XIRP2: variants seen among roughly 807,000 people sequenced by gnomAD.
The protein encoded by XIRP2 is xin actin binding repeat containing 2.
XIRP2 carries 236 observed loss-of-function variants against 277.0 expected under a neutral mutation model. That is an observed-to-expected ratio of 0.85 (90% CI 0.77 to 0.95). XIRP2 has a LOEUF of 0.95. Ranked by LOEUF, XIRP2 falls within the 40% of genes least tolerant of loss-of-function variation. The pLI, the probability that XIRP2 is intolerant of heterozygous loss-of-function variation, is 0.00. For synonymous variants in XIRP2, 1,490 were observed against 1,416.5 expected (o/e 1.05, Z -1.17); for missense variants, 4,640 against 4,157.5 (o/e 1.12, Z -3.19).
chr2:166,964,139 G>C (rs1376280737), intron 2 of XIRP2, among the ~76,000 whole-genome samples: 1 of 151,762 alleles, frequency 6.6e-6, no homozygotes, highest in Non-Finnish European at 1.5e-5. Context: ...ATTGTAATTT[G>C]ATTCTATAGA....
chr2:167,242,025 C>A, intron 8 of XIRP2, 115 bp downstream of exon 8: 1 of 1,336,406 alleles, frequency 7.5e-7, no homozygotes, highest in Non-Finnish European at 9.9e-7. Flanking sequence ...AAATTCTGAA[C>A]TGGCATTTAT....
chr2:167,163,008 T>C (rs1033533892), intron 3 of XIRP2, among the ~76,000 whole-genome samples: 3 of 152,212 alleles, frequency 2.0e-5, no homozygotes, highest in Non-Finnish European at 4.4e-5. Flanking sequence ...CAGAAGGTTT[T>C]TCTCCCCTTT....
chr2:166,988,144 T>A (rs1466093276), intron 2 of XIRP2, among the ~76,000 whole-genome samples: 4 of 152,140 alleles, frequency 2.6e-5, no homozygotes, highest in African/African-American at 9.7e-5. Flanking sequence ...TGAGCAGTAA[T>A]AAGACATGTG....
intron 2 of XIRP2, among the ~76,000 whole-genome samples, chr2:166,969,653 A>G (rs1438205074): frequency 6.6e-6 from 1 of 151,976 alleles, no homozygotes; most frequent in Non-Finnish European, 1.5e-5. Context: ...CTGGGAAAGC[A>G]ATTTCATGCT....
chr2:167,248,954 C>A lies in XIRP2; in HGVS notation c.7562C>A (p.Ser2521Tyr). ...RKKQIAPLIK[S>Y]HSFPESSGQQ... is the part of the protein sequence containing the mutation. ...AAACAGATTGCGCCTCTTATAAAATCTCATTCATTTCCAGAGAGTTCAGGA... is the reference window on the plus strand; with the variant it reads ...AAACAGATTGCGCCTCTTATAAAATATCATTCATTTCCAGAGAGTTCAGGA... Residue 2521 changes from serine to tyrosine, a missense_variant, in exon 9 of 11, where the codon TCT becomes TAT. By Grantham distance (144) the Ser-to-Tyr change is moderately radical (BLOSUM62 -2). Transcript: ENST00000409195. 6.2e-7 allele frequency: 1 copy of A among 1,613,794 alleles called. No homozygotes were observed.
intron 1 of XIRP2, among the ~76,000 whole-genome samples, chr2:166,899,152 G>A (rs1684314808): frequency 6.6e-6 from 1 of 152,042 alleles, no homozygotes; most frequent in Admixed American, 6.6e-5. Context: ...TAGCTATAGT[G>A]TTTTGTAACA....
rs555136064 is a variant in XIRP2 at position 166,945,268 on chromosome 2, A to G, written c.408+41378A>G. 3.9e-5 allele frequency among the ~76,000 whole-genome samples: 6 copies of G among 152,270 alleles called. No homozygotes were observed. The East Asian group carries it at 1.2e-3, about 29-fold the overall frequency. On this transcript the variant is annotated intron_variant, in intron 2 of 10. Transcript: ENST00000409195. ...TTCCTCTGTAGTCTCCTATACATGC[A>G]ATGGATAGGTTTTGCTCTGTTTTTT...
intron 7 of XIRP2, among the ~76,000 whole-genome samples, chr2:167,241,095 G>A (rs1332572123): frequency 1.3e-5 from 2 of 152,116 alleles, no homozygotes; most frequent in Non-Finnish European, 2.9e-5. Context: ...TTTAATAACA[G>A]ATTTAAGTAC....
intron 2 of XIRP2, among the ~76,000 whole-genome samples, chr2:166,906,990 C>T (rs777975209): frequency 1.3e-5 from 2 of 152,094 alleles, no homozygotes; most frequent in Admixed American, 6.6e-5. Flanking sequence ...CTAAAACAGT[C>T]ACTATTTCAG....
intron 2 of XIRP2, among the ~76,000 whole-genome samples, chr2:166,944,006 G>A (rs772269228): frequency 1.3e-5 from 2 of 152,158 alleles, no homozygotes; most frequent in Non-Finnish European, 2.9e-5. Flanking sequence ...ATAATGAAAA[G>A]TGAAATATGG....
At chr2:167,087,003 G>A (rs1351881993) in intron 2 of XIRP2, among the ~76,000 whole-genome samples, 1 of 151,810 alleles carries the variant, frequency 6.6e-6, no homozygotes, top group Non-Finnish European at 1.5e-5. Context: ...CGTTCCTTTG[G>A]AGGAGGAGAG....
At chr2:167,167,384 A>G (rs1373833449) in intron 3 of XIRP2, among the ~76,000 whole-genome samples, 2 of 152,128 alleles carry the variant, frequency 1.3e-5, no homozygotes, top group Non-Finnish European at 2.9e-5. Context: ...TACTTTTTAT[A>G]TCAGTTGCTC....
chr2:166,922,509 A>ATT (rs564437553), intron 2 of XIRP2, among the ~76,000 whole-genome samples: 3 of 150,586 alleles, frequency 2.0e-5, no homozygotes, highest in African/African-American at 4.9e-5. Flanking sequence ...AAGTTAAAAG[A>ATT]TTTTTTTTTT....
chr2:166,955,560 A>C (rs1367650452), intron 2 of XIRP2, among the ~76,000 whole-genome samples: 1 of 151,906 alleles, frequency 6.6e-6, no homozygotes, highest in Non-Finnish European at 1.5e-5. Flanking sequence ...TGAAATAAGT[A>C]CATTATATGT....
chr2:167,191,196 A>G (rs984281828), intron 3 of XIRP2, among the ~76,000 whole-genome samples: 1 of 151,392 alleles, frequency 6.6e-6, no homozygotes, highest in African/African-American at 2.4e-5. Context: ...AAAAAAAAAA[A>G]AAAAAAGAAA....
At chr2:167,067,676 T>C (rs1177556568) in intron 2 of XIRP2, among the ~76,000 whole-genome samples, 3 of 152,158 alleles carry the variant, frequency 2.0e-5, no homozygotes, top group Admixed American at 1.3e-4. Flanking sequence ...AGTGACCACA[T>C]GCTCTTGGGA....
At chr2:166,951,198 C>T (rs1015061986) in intron 2 of XIRP2, among the ~76,000 whole-genome samples, 2 of 151,984 alleles carry the variant, frequency 1.3e-5, no homozygotes, top group African/African-American at 2.4e-5. Context: ...CTTGTATATA[C>T]GTTAGGCCAT....
At chr2:167,099,512 A>T (rs999728079) in intron 2 of XIRP2, among the ~76,000 whole-genome samples, 1 of 151,988 alleles carries the variant, frequency 6.6e-6, no homozygotes, top group Non-Finnish European at 1.5e-5. Context: ...TTTCCAGGAG[A>T]GTGAACAGTT....
intron 3 of XIRP2, chr2:167,187,335 C>T: frequency 5.1e-6 from 5 of 985,334 alleles, no homozygotes; most frequent in Non-Finnish European, 6.0e-6. Flanking sequence ...TTTAGACGCT[C>T]TGCTAAAATA....
Sources: gnomAD v4.1 joint callset for allele counts (sites outside exome capture counted in the v4.1 genomes callset) on GRCh38, gnomAD v4.1.1 for gene constraint, MANE v1.5 for transcripts, NCBI Gene and HGNC (gene_info 2026-07-23, HGNC 2026-07-21) for gene names.